The following BBS7 variants were observed in gnomAD, a reference collection of about 807,000 sequenced individuals.
BBS7 encodes BBSome complex member BBS7.
In BBS7, 50 loss-of-function variants were observed where a neutral mutation model predicts 90.3. That is an observed-to-expected ratio of 0.55 (90% CI 0.44 to 0.70). The LOEUF is 0.70. Ranked by LOEUF, BBS7 falls within the 30% of genes least tolerant of loss-of-function variation. The pLI is 0.00. For missense variants in BBS7, 729 were observed against 838.9 expected, an observed-to-expected ratio of 0.87 and a Z score of 1.62; for synonymous variants, 235 against 287.4, an observed-to-expected ratio of 0.82 and a Z score of 1.85.
intron 12 of BBS7, among the ~76,000 whole-genome samples, chr4:121,841,117 C>T (rs181059292): frequency 3.9e-5 from 6 of 152,032 alleles, no homozygotes; most frequent in Admixed American, 1.3e-4. Flanking sequence ...TGGGATTACA[C>T]GTATGAGCCA....
intron 7 of BBS7, among the ~76,000 whole-genome samples, chr4:121,853,583 T>C (rs1003558405): frequency 6.6e-6 from 1 of 151,784 alleles, no homozygotes; most frequent in Non-Finnish European, 1.5e-5. Flanking sequence ...CTCCACAATA[T>C]ATACTGAAAT....
chr4:121,847,460 T>A lies in BBS7; in HGVS notation c.981A>T (p.Gly327=). ...LTTEPIHKES[G]PGEELKINQE... The stretch of plus-strand genomic sequence containing the variant: ...GATTAATTTTTAGTTCTTCTCCTGG[T>A]CCACTTTCCTTATGAATGGGCTCTG... The change falls in exon 10 of 19, where the codon GGA becomes GGT. Residue 327 remains glycine (G), a synonymous_variant. Transcript: ENST00000264499. The A allele has an allele frequency of 6.2e-7, 1 of 1,613,866 alleles. No individual in the cohort carries two copies. The highest frequency in any genetic ancestry group is 2.2e-5 in the East Asian group (1 of 44,836).
At chr4:121,837,414 C>T (rs1221630395) in intron 13 of BBS7, among the ~76,000 whole-genome samples, 2 of 152,112 alleles carry the variant, frequency 1.3e-5, no homozygotes, top group African/African-American at 2.4e-5. Context: ...TAAGTAGGTA[C>T]TTAATTCATC....
intron 1 of BBS7, among the ~76,000 whole-genome samples, chr4:121,869,855 T>C (rs1255363680): frequency 6.6e-6 from 1 of 152,202 alleles, no homozygotes; most frequent in Non-Finnish European, 1.5e-5. Context: ...TCATTGCTTT[T>C]ACCATGATCT....
intron 11 of BBS7, among the ~76,000 whole-genome samples, 153 bp downstream of exon 11, chr4:121,845,351 G>A (rs1340961272): frequency 6.6e-6 from 1 of 151,900 alleles, no homozygotes; most frequent in African/African-American, 2.4e-5. Flanking sequence ...CTAGGTGACA[G>A]AGTAAAACTC....
chr4:121,855,729 A>G (rs1444000332), intron 5 of BBS7, among the ~76,000 whole-genome samples, 168 bp from the exon 6 acceptor site: 11 of 152,054 alleles, frequency 7.2e-5, no homozygotes, highest in African/African-American at 2.4e-4. Context: ...AATTTTGCAT[A>G]TATCAACTGA....
intron 18 of BBS7, chr4:121,827,818 T>C: frequency 1.0e-6 from 1 of 982,674 alleles, no homozygotes; most frequent in Non-Finnish European, 1.2e-6. Flanking sequence ...CAATTATTTG[T>C]GTGAAATACA....
At chr4:121,866,981 C>T (rs532494875) in intron 2 of BBS7, among the ~76,000 whole-genome samples, 3 of 151,970 alleles carry the variant, frequency 2.0e-5, no homozygotes, top group South Asian at 2.1e-4. Context: ...ATTGGTATTT[C>T]GATAGAGATT....
At chr4:121,827,866 A>G (rs1724981359) in intron 18 of BBS7, 2 of 1,077,970 alleles carry the variant, frequency 1.9e-6, no homozygotes, top group Non-Finnish European at 2.3e-6. Flanking sequence ...CATTCATTTT[A>G]TACCAGGTTT....
At chr4:121,826,436 A>G (rs1724910746) in intron 18 of BBS7, among the ~76,000 whole-genome samples, 1 of 152,230 alleles carries the variant, frequency 6.6e-6, no homozygotes, top group Non-Finnish European at 1.5e-5. Flanking sequence ...CCTAGGTTCA[A>G]AGATCTGGGC....
In BBS7 at chr4:121,828,399, T is replaced by C. The variant is rs1400619824; in HGVS notation, c.1890+3A>G. 8 of 1,612,046 alleles carry C rather than the reference T, an allele frequency of 5.0e-6. No homozygotes were observed. Among genetic ancestry groups the C allele is most frequent in the Non-Finnish European group, 6.8e-6 (8 of 1,178,288 alleles). ...ACCAGTCCACGACGACACATGTACT[T>C]ACTTTTAAAGCATCAATTAACTGCA... is the stretch of plus-strand genomic sequence containing the variant. On this transcript the variant is annotated splice_donor_region_variant and intron_variant, in intron 17 of 18. Transcript: ENST00000264499.
intron 5 of BBS7, among the ~76,000 whole-genome samples, chr4:121,857,315 C>T (rs1005114622): frequency 4.6e-5 from 7 of 151,118 alleles, no homozygotes; most frequent in African/African-American, 1.5e-4. Context: ...ATGGGGGTCT[C>T]GCTATGTTGC....
chr4:121,831,033 A>G (rs902839194), intron 15 of BBS7, among the ~76,000 whole-genome samples: 1 of 151,856 alleles, frequency 6.6e-6, no homozygotes, highest in Non-Finnish European at 1.5e-5. Flanking sequence ...CGGTGAAACT[A>G]GTCTCTACTA....
chr4:121,852,444 G>A (rs1016912402), intron 8 of BBS7, among the ~76,000 whole-genome samples: 2 of 152,054 alleles, frequency 1.3e-5, no homozygotes, highest in Admixed American at 6.6e-5. Flanking sequence ...GCATAAATGA[G>A]TTTAATTACA....
intron 2 of BBS7, among the ~76,000 whole-genome samples, chr4:121,863,871 A>C (rs1727117415): frequency 6.6e-6 from 1 of 152,206 alleles, no homozygotes; most frequent in South Asian, 2.1e-4. Flanking sequence ...ATAAATATAG[A>C]GGGACATTTT....
intron 5 of BBS7, among the ~76,000 whole-genome samples, chr4:121,858,058 A>G (rs941923785): frequency 1.3e-5 from 2 of 152,164 alleles, no homozygotes; most frequent in African/African-American, 4.8e-5. Flanking sequence ...TTCCCGTCTC[A>G]GCCTCCAAAA....
At chr4:121,868,144 G>A in intron 1 of BBS7, 98 bp from the exon 2 acceptor site, 1 of 905,262 alleles carries the variant, frequency 1.1e-6, no homozygotes, top group Admixed American at 1.7e-5. Flanking sequence ...TGAAATTAGT[G>A]ATATAACTAT....
chr4:121,826,071 T>C, intron 18 of BBS7, 78 bp from the exon 19 acceptor site: 1 of 1,221,268 alleles, frequency 8.2e-7, no homozygotes, highest in South Asian at 1.3e-5. Flanking sequence ...AGTAATTGCT[T>C]GATAATCTAT....
chr4:121,856,483 A>C (rs1243075096), intron 5 of BBS7, among the ~76,000 whole-genome samples: 1 of 152,086 alleles, frequency 6.6e-6, no homozygotes, highest in Non-Finnish European at 1.5e-5. Flanking sequence ...TCCGGAGGCC[A>C]AGACGGGTGG....
Sources: allele counts gnomAD v4.1 joint callset (sites outside exome capture counted in the v4.1 genomes callset), GRCh38; gene constraint gnomAD v4.1.1; transcripts MANE v1.5; gene names NCBI Gene and HGNC (gene_info 2026-07-23, HGNC 2026-07-21).